SH3D19: variants seen among roughly 807,000 people sequenced by gnomAD.
SH3D19 encodes the protein SH3 domain-containing protein 19.
A neutral mutation model predicts 112.1 loss-of-function variants in SH3D19; 58 were observed. That is an observed-to-expected ratio of 0.52 (90% CI 0.42 to 0.64). SH3D19 has a LOEUF of 0.64. Among genes scored for constraint, SH3D19 ranks in the 30% least tolerant of loss-of-function variants. The probability of loss-of-function intolerance (pLI) is 0.00; values close to 1 mark genes in which losing one functional copy is unlikely to be tolerated. For synonymous variants in SH3D19, 391 were observed against 448.5 expected, an observed-to-expected ratio of 0.87 and a Z score of 1.62; for missense variants, 1,090 against 1,263.4, an observed-to-expected ratio of 0.86 and a Z score of 2.08.
intron 1 of SH3D19, among the ~76,000 whole-genome samples, chr4:151,245,212 CCTTT>C (rs1184571743): frequency 5.3e-5 from 8 of 151,858 alleles, no homozygotes; most frequent in East Asian, 3.9e-4. Flanking sequence ...TCACTACTGA[CCTTT>C]CTGAGTTAAA....
chr4:151,194,016 A>ATTT lies in SH3D19; in HGVS notation c.153-6556_153-6554dup, dbSNP rs201719037. Among the ~76,000 whole-genome samples the ATTT allele has an allele frequency of 8.9e-3, 998 of 111,744 alleles. 76 individuals carry two copies. The highest frequency in any genetic ancestry group is 0.017 in the African/African-American group (386 of 22,420). The allele number at this position is 111,744 out of a possible 152,430, so 73.3% of individuals were successfully genotyped here. ...GATGTGTAGCAGTATAGTAGGATTA[A>ATTT]TTTTTTTTTTTTTTTTTTTTTTTTT... On this transcript the variant is annotated intron_variant, in intron 2 of 19. Transcript: ENST00000604030.
intron 2 of SH3D19, among the ~76,000 whole-genome samples, chr4:151,220,428 T>C (rs564801251): frequency 6.6e-6 from 1 of 152,318 alleles, no homozygotes; most frequent in East Asian, 1.9e-4. Flanking sequence ...CTTCTTTTTT[T>C]GCTGCTGTAA....
Position 151,254,376 on chromosome 4 carries a change from T to C in SH3D19, c.113-28290A>G, listed in dbSNP as rs569436754. Among the ~76,000 whole-genome samples the C allele has an allele frequency of 2.0e-5, 3 of 150,816 alleles. No individual in the cohort carries two copies. In the East Asian group the frequency reaches 5.8e-4, roughly 29 times the overall value. On this transcript the variant is annotated intron_variant, in intron 1 of 19. Transcript: ENST00000604030. The stretch of plus-strand genomic sequence containing the variant: ...CTTGGGTGTTTCTCACAGAGGGGGA[T>C]TTGGCAGGGTCATAGGACAATAGTG...
intron 1 of SH3D19, chr4:151,226,631 C>T (rs1769050827): frequency 3.9e-6 from 1 of 255,930 alleles, no homozygotes; most frequent in South Asian, 1.5e-4. Flanking sequence ...ATAATGTGCT[C>T]TCTATATAAA....
intron 7 of SH3D19, among the ~76,000 whole-genome samples, chr4:151,168,996 G>T (rs1205812581): frequency 6.6e-6 from 1 of 151,566 alleles, no homozygotes; most frequent in African/African-American, 2.4e-5. Flanking sequence ...CCCCTGAGGG[G>T]CTGAACATAG....
chr4:151,325,213 C>T (rs1730934520), intron 1 of SH3D19, 28 bp downstream of exon 1: 3 of 1,191,744 alleles, frequency 2.5e-6, no homozygotes, highest in Non-Finnish European at 3.1e-6. Flanking sequence ...CTCTGGGTCC[C>T]CGCCGCCCCG....
intron 19 of SH3D19, among the ~76,000 whole-genome samples, chr4:151,122,843 G>A (rs1421109324): frequency 6.9e-6 from 1 of 145,858 alleles, no homozygotes; most frequent in East Asian, 2.1e-4. Flanking sequence ...CCTCATTTTA[G>A]AGACTTTTTT....
chr4:151,169,328 A>C (rs568537450), intron 7 of SH3D19, among the ~76,000 whole-genome samples: 1 of 152,156 alleles, frequency 6.6e-6, no homozygotes, highest in Non-Finnish European at 1.5e-5. Context: ...CGAGGCAAGG[A>C]AGTCTTCGTG....
chr4:151,210,220 A>C (rs755524369), intron 2 of SH3D19, among the ~76,000 whole-genome samples: 1 of 152,176 alleles, frequency 6.6e-6, no homozygotes, highest in Non-Finnish European at 1.5e-5. Flanking sequence ...GGTCCATAAA[A>C]ATGTAGGTAT....
chr4:151,222,001 T>G (rs1768136550), intron 2 of SH3D19, among the ~76,000 whole-genome samples: 1 of 152,256 alleles, frequency 6.6e-6, no homozygotes, highest in Non-Finnish European at 1.5e-5. Context: ...AGCAAGGAGC[T>G]GGAGCCATCT....
At chr4:151,292,997 G>A (rs1472395274) in intron 1 of SH3D19, among the ~76,000 whole-genome samples, 2 of 151,988 alleles carry the variant, frequency 1.3e-5, no homozygotes, top group African/African-American at 4.8e-5. Flanking sequence ...GCGGGTGCCT[G>A]TAATCCCAGC....
chr4:151,189,009 A>C (rs747586374), intron 2 of SH3D19, among the ~76,000 whole-genome samples: 4 of 152,190 alleles, frequency 2.6e-5, no homozygotes, highest in Admixed American at 6.5e-5. Context: ...GCAAGGAAGA[A>C]ATCACCTATG....
intron 7 of SH3D19, among the ~76,000 whole-genome samples, chr4:151,171,219 T>C (rs954742917): frequency 6.6e-6 from 1 of 152,082 alleles, no homozygotes; most frequent in Non-Finnish European, 1.5e-5. Context: ...TCTTTTTTTT[T>C]TTTTCCTCAC....
chr4:151,255,231 G>A (rs1446564297), intron 1 of SH3D19, among the ~76,000 whole-genome samples: 21 of 150,772 alleles, frequency 1.4e-4, no homozygotes, highest in Non-Finnish European at 2.8e-4. Flanking sequence ...CTTCTCAGAC[G>A]GGGCGGCTGC....
chr4:151,260,873 G>A (rs1772326445), intron 1 of SH3D19, among the ~76,000 whole-genome samples: 1 of 151,984 alleles, frequency 6.6e-6, no homozygotes, highest in Non-Finnish European at 1.5e-5. Flanking sequence ...CTTCCTTTTG[G>A]GACTCAGTTG....
intron 1 of SH3D19, among the ~76,000 whole-genome samples, chr4:151,273,353 GGC>G (rs1773354813): frequency 6.6e-6 from 1 of 152,168 alleles, no homozygotes; most frequent in South Asian, 2.1e-4. Context: ...CACTTTGGGA[GGC>G]CGAGGCGGGT....
chr4:151,192,553 CT>C (rs892884049), intron 2 of SH3D19, among the ~76,000 whole-genome samples: 1 of 152,142 alleles, frequency 6.6e-6, no homozygotes, highest in African/African-American at 2.4e-5. Flanking sequence ...TATTATAACC[CT>C]ACCTTATAAA....
Position 151,325,246 on chromosome 4 carries a change from G to A in SH3D19, c.107C>T (p.Ala36Val), listed in dbSNP as rs1730938603. The A allele has an allele frequency of 1.6e-6, 2 of 1,221,040 alleles. No homozygotes were observed. The highest frequency in any genetic ancestry group is 1.0e-6 in the Non-Finnish European group (1 of 980,846). The allele number at this position is 1,221,040 out of a possible 1,614,324, so 75.6% of individuals were successfully genotyped here. A position where few individuals can be genotyped will look rare whatever the true frequency, so the allele number is the denominator to read the frequency against. The part of the protein sequence containing the change: ...ARGRALSGHS[A>V]ADRNERNKPE... The stretch of plus-strand genomic sequence containing the variant: ...CCGTCCCCCGCGCCTCTCACCTGCG[G>A]CCGAGTGGCCCGAGAGCGCACGGCC... The change falls in exon 1 of 20, where the codon GCC (alanine) becomes GTC (valine). Residue 36 changes from alanine (A) to valine (V), a missense_variant. Coordinates refer to ENST00000604030, the MANE Select transcript of SH3D19 (RefSeq NM_001378122.1).
At chr4:151,148,254 TACACAC>T (rs34219685) in intron 10 of SH3D19, 68 bp from the exon 11 acceptor site, 3,742 of 982,672 alleles carry the variant, frequency 3.8e-3, no homozygotes, top group Middle Eastern at 4.3e-3. Context: ...TGTCCTGTCT[TACACAC>T]ACACACACAC....
Sources: allele counts gnomAD v4.1 joint callset (sites outside exome capture counted in the v4.1 genomes callset), GRCh38; gene constraint gnomAD v4.1.1; transcripts MANE v1.5; gene names NCBI Gene and HGNC (gene_info 2026-07-23, HGNC 2026-07-21).